Variants in SGCZ observed in about 807,000 individuals in gnomAD.
SGCZ encodes zeta-sarcoglycan.
In SGCZ, 40 loss-of-function variants were observed where a neutral mutation model predicts 41.3. The ratio of observed to expected loss-of-function variants is 0.97; its 90% confidence interval spans 0.75 to 1.26. The LOEUF is 1.26. Ranked by LOEUF, SGCZ falls within the 50% of genes most tolerant of loss-of-function variation. SGCZ has a pLI of 0.00. For synonymous variants in SGCZ, 206 were observed against 137.5 expected (o/e 1.50, Z -3.49); for missense variants, 552 against 369.8 (o/e 1.49, Z -4.04).
intron 5 of SGCZ, among the ~76,000 whole-genome samples, chr8:14,127,775 T>C (rs1275751145): frequency 6.6e-6 from 1 of 152,124 alleles, no homozygotes; most frequent in Non-Finnish European, 1.5e-5. Context: ...ATTTTTTAAC[T>C]TTTATTTTAT....
chr8:14,581,330 C>T (rs1353089677), intron 1 of SGCZ, among the ~76,000 whole-genome samples: 1 of 152,082 alleles, frequency 6.6e-6, no homozygotes, highest in Non-Finnish European at 1.5e-5. Flanking sequence ...TGGTCTCGAC[C>T]TCCTGGCCTC....
chr8:14,411,163 T>A, intron 2 of SGCZ, among the ~76,000 whole-genome samples: 1 of 152,226 alleles, frequency 6.6e-6, no homozygotes, highest in Non-Finnish European at 1.5e-5. Context: ...GTTTTCAAAT[T>A]AGAAATAATT....
chr8:15,076,754 AT>A (rs35515934), intron 1 of SGCZ, among the ~76,000 whole-genome samples: 2,712 of 133,454 alleles, frequency 0.02, 47 homozygotes, highest in African/African-American at 0.058. Flanking sequence ...AGTCTCTCTC[AT>A]TTTTTTTTTT....
At chr8:14,181,854 C>T (rs992295103) in intron 4 of SGCZ, among the ~76,000 whole-genome samples, 1 of 152,118 alleles carries the variant, frequency 6.6e-6, no homozygotes, top group Non-Finnish European at 1.5e-5. Flanking sequence ...AGCCTGAGAA[C>T]AGACTAATAC....
chr8:15,041,294 C>T (rs1297973985), intron 1 of SGCZ, among the ~76,000 whole-genome samples: 1 of 151,532 alleles, frequency 6.6e-6, no homozygotes, highest in African/African-American at 2.4e-5. Context: ...TTTGGGAACC[C>T]TTGTTTACAT....
At chr8:15,159,286 G>A (rs1416609637) in intron 1 of SGCZ, among the ~76,000 whole-genome samples, 1 of 152,164 alleles carries the variant, frequency 6.6e-6, no homozygotes, top group African/African-American at 2.4e-5. Flanking sequence ...TACTGCCTTA[G>A]GTGACTCTTC....
intron 1 of SGCZ, among the ~76,000 whole-genome samples, chr8:14,940,646 G>A (rs937302053): frequency 2.6e-5 from 4 of 151,662 alleles, no homozygotes; most frequent in African/African-American, 4.8e-5. Context: ...AGCACTGGAG[G>A]CCAGGAGATC....
At chr8:14,117,454 T>C (rs1322862918) in intron 5 of SGCZ, among the ~76,000 whole-genome samples, 5 of 144,710 alleles carry the variant, frequency 3.5e-5, no homozygotes, top group African/African-American at 7.8e-5. Flanking sequence ...ATGCAGAGTA[T>C]AGCATCTCAC....
rs140701185 is a variant in SGCZ at position 14,811,183 on chromosome 8, G to T, written c.40-256257C>A. 6.6e-3 allele frequency among the ~76,000 whole-genome samples: 1,002 copies of T among 152,074 alleles called. 4 individuals carry two copies. Among genetic ancestry groups the T allele is most frequent in the Non-Finnish European group, 9.6e-3 (653 of 67,874 alleles). The stretch of plus-strand genomic sequence containing the variant: ...AACTTCTCTGTTCATCATAAACTTA[G>T]ATTTCAAATTTGTTGTGTTCATTAA... On this transcript the variant is annotated intron_variant, in intron 1 of 7. Transcript: ENST00000382080.
intron 1 of SGCZ, among the ~76,000 whole-genome samples, chr8:14,686,677 C>T (rs960154102): frequency 1.3e-5 from 2 of 151,854 alleles, no homozygotes; most frequent in African/African-American, 4.8e-5. Context: ...GTTGCAGGGG[C>T]TGAAATTGTG....
chr8:14,457,385 C>G (rs1028749077), intron 2 of SGCZ, among the ~76,000 whole-genome samples: 1 of 152,172 alleles, frequency 6.6e-6, no homozygotes, highest in Non-Finnish European at 1.5e-5. Context: ...CCAGCGGTAG[C>G]AAAAGGTGTC....
chr8:15,204,732 T>C (rs1801006649), intron 1 of SGCZ, among the ~76,000 whole-genome samples: 1 of 152,174 alleles, frequency 6.6e-6, no homozygotes, highest in Non-Finnish European at 1.5e-5. Flanking sequence ...CCCCACATAA[T>C]ATTAATCATC....
At chr8:15,043,485 C>G (rs1290967036) in intron 1 of SGCZ, among the ~76,000 whole-genome samples, 1 of 151,918 alleles carries the variant, frequency 6.6e-6, no homozygotes, top group Non-Finnish European at 1.5e-5. Flanking sequence ...TTAAGTAAAT[C>G]ATATTTTTCT....
chr8:14,347,770 A>T (rs538580876), intron 2 of SGCZ, among the ~76,000 whole-genome samples: 9 of 152,118 alleles, frequency 5.9e-5, no homozygotes, highest in African/African-American at 2.2e-4. Flanking sequence ...AAGAACATCA[A>T]TGAGATTTCT....
intron 1 of SGCZ, among the ~76,000 whole-genome samples, chr8:14,781,410 G>T (rs1800583187): frequency 6.6e-6 from 1 of 151,926 alleles, no homozygotes; most frequent in Non-Finnish European, 1.5e-5. Context: ...TGTATTTTTA[G>T]TAGAGATGGG....
intron 1 of SGCZ, among the ~76,000 whole-genome samples, chr8:14,890,026 G>A (rs950438045): frequency 6.6e-6 from 1 of 152,008 alleles, no homozygotes; most frequent in Non-Finnish European, 1.5e-5. Flanking sequence ...AGACCAGCCT[G>A]GCCAATATGG....
chr8:14,813,112 T>C (rs994413808), intron 1 of SGCZ, among the ~76,000 whole-genome samples: 5 of 152,184 alleles, frequency 3.3e-5, no homozygotes, highest in African/African-American at 4.8e-5. Context: ...ACCTGATGCA[T>C]TGCAGATACT....
chr8:14,394,702 G>T (rs544969163), intron 2 of SGCZ, among the ~76,000 whole-genome samples: 4 of 152,200 alleles, frequency 2.6e-5, no homozygotes, highest in African/African-American at 9.6e-5. Context: ...TAAAGATAAA[G>T]TGGAAATAAT....
intron 3 of SGCZ, among the ~76,000 whole-genome samples, chr8:14,258,055 G>A (rs1262338769): frequency 6.6e-6 from 1 of 152,084 alleles, no homozygotes; most frequent in Non-Finnish European, 1.5e-5. Flanking sequence ...ATTGAACTTG[G>A]ACTTTTAATT....
Sources: allele counts gnomAD v4.1 joint callset (sites outside exome capture counted in the v4.1 genomes callset), GRCh38; gene constraint gnomAD v4.1.1; transcripts MANE v1.5; gene names NCBI Gene and HGNC (gene_info 2026-07-23, HGNC 2026-07-21).